The following ASIC2 variants were observed in gnomAD, a reference collection of about 807,000 sequenced individuals.
The protein encoded by ASIC2 is acid sensing ion channel subunit 2.
In ASIC2, 25 loss-of-function variants were observed where a neutral mutation model predicts 57.3. That is an observed-to-expected ratio of 0.44 (90% CI 0.32 to 0.61). The LOEUF (loss-of-function observed/expected upper bound fraction) is 0.61, where lower values mean the gene tolerates loss of function less well. Among genes scored for constraint, ASIC2 ranks in the 20% least tolerant of loss-of-function variants. The pLI, the probability that ASIC2 is intolerant of heterozygous loss-of-function variation, is 0.06. For missense variants in ASIC2, 641 were observed against 738.1 expected, an observed-to-expected ratio of 0.87 and a Z score of 1.52; for synonymous variants, 319 against 307.5, an observed-to-expected ratio of 1.04 and a Z score of -0.39.
intron 1 of ASIC2, among the ~76,000 whole-genome samples, chr17:34,094,693 C>T (rs996770853): frequency 1.3e-5 from 2 of 152,298 alleles, no homozygotes; most frequent in East Asian, 3.9e-4. Context: ...TGAGTCCAAG[C>T]CCATCTCACA....
At chr17:33,068,428 G>T (rs2092053070) in intron 3 of ASIC2, among the ~76,000 whole-genome samples, 1 of 152,274 alleles carries the variant, frequency 6.6e-6, no homozygotes, top group South Asian at 2.1e-4. Context: ...AGCTACTCAG[G>T]AGGCTGAGGC....
At chr17:33,476,309 G>T (rs1473230020) in intron 1 of ASIC2, among the ~76,000 whole-genome samples, 1 of 152,002 alleles carries the variant, frequency 6.6e-6, no homozygotes, top group East Asian at 1.9e-4. Context: ...CCACAACTAT[G>T]GTGACATGTC....
At chr17:33,313,015 G>C (rs374475686) in intron 1 of ASIC2, among the ~76,000 whole-genome samples, 2 of 152,198 alleles carry the variant, frequency 1.3e-5, no homozygotes, top group South Asian at 4.1e-4. Context: ...GTTAGCATAA[G>C]AGCAGCCCTG....
intron 1 of ASIC2, among the ~76,000 whole-genome samples, chr17:33,616,693 A>G (rs1004333941): frequency 1.3e-5 from 2 of 152,212 alleles, no homozygotes; most frequent in Non-Finnish European, 2.9e-5. Flanking sequence ...CAGGGGCTAG[A>G]AGCCTGGAAA....
chr17:33,109,488 G>A (rs1330595616), intron 2 of ASIC2, among the ~76,000 whole-genome samples: 2 of 152,136 alleles, frequency 1.3e-5, no homozygotes, highest in Admixed American at 1.3e-4. Flanking sequence ...AGTCTCAAAG[G>A]AAATCGTCTA....
intron 1 of ASIC2, among the ~76,000 whole-genome samples, chr17:33,217,229 G>A (rs1907525371): frequency 6.6e-6 from 1 of 152,210 alleles, no homozygotes. Context: ...TACCCCAAAT[G>A]GATGTGGGAT....
chr17:33,094,702 G>A (rs1239439433), intron 2 of ASIC2, among the ~76,000 whole-genome samples: 1 of 152,142 alleles, frequency 6.6e-6, no homozygotes, highest in African/African-American at 2.4e-5. Context: ...CCATGGTTTT[G>A]GAAGTTCACC....
At chr17:33,614,043 A>G (rs957535695) in intron 1 of ASIC2, among the ~76,000 whole-genome samples, 12 of 152,226 alleles carry the variant, frequency 7.9e-5, no homozygotes, top group African/African-American at 2.9e-4. Context: ...GCCTTCCCCA[A>G]AATTGCACCA....
At chr17:33,721,072 T>A (rs1419875157) in intron 1 of ASIC2, among the ~76,000 whole-genome samples, 1 of 152,096 alleles carries the variant, frequency 6.6e-6, no homozygotes, top group Admixed American at 6.5e-5. Flanking sequence ...ATTCCTCTAC[T>A]CCTTAGAACA....
intron 1 of ASIC2, among the ~76,000 whole-genome samples, chr17:33,518,788 C>G (rs1039906198): frequency 3.0e-4 from 46 of 151,734 alleles, no homozygotes; most frequent in Non-Finnish European, 1.5e-4. Context: ...GACACATTAA[C>G]TGATTTAATC....
intron 1 of ASIC2, among the ~76,000 whole-genome samples, chr17:34,064,857 A>G (rs62058985): frequency 0.021 from 3,251 of 152,342 alleles, 52 homozygotes; most frequent in Non-Finnish European, 0.033. Flanking sequence ...AAGAATGACC[A>G]TAATCAAAAA....
At chr17:33,475,930 A>G (rs577087299) in intron 1 of ASIC2, among the ~76,000 whole-genome samples, 1 of 152,304 alleles carries the variant, frequency 6.6e-6, no homozygotes, top group Non-Finnish European at 1.5e-5. Context: ...CTCCACGTCT[A>G]GCATCATTAT....
At chr17:33,783,396 T>G (rs1911515489) in intron 1 of ASIC2, among the ~76,000 whole-genome samples, 1 of 152,254 alleles carries the variant, frequency 6.6e-6, no homozygotes, top group African/African-American at 2.4e-5. Context: ...TGATTGCACT[T>G]ACATCATTGG....
chr17:33,479,036 G>A (rs2141925356), intron 1 of ASIC2, among the ~76,000 whole-genome samples: 1 of 152,184 alleles, frequency 6.6e-6, no homozygotes, highest in Non-Finnish European at 1.5e-5. Flanking sequence ...GTCTTGCTCT[G>A]TTGCTAGGCT....
intron 1 of ASIC2, among the ~76,000 whole-genome samples, chr17:33,565,502 C>T (rs942107234): frequency 1.3e-5 from 2 of 152,204 alleles, no homozygotes; most frequent in African/African-American, 4.8e-5. Context: ...TTTTCCAGAA[C>T]AGTCCTTAGA....
At chr17:33,269,678 C>A in intron 1 of ASIC2, among the ~76,000 whole-genome samples, 1 of 64,908 alleles carries the variant, frequency 1.5e-5, no homozygotes, top group African/African-American at 5.2e-5. Flanking sequence ...TTCCTTCCCT[C>A]CCTCCCTCCT....
Position 33,014,024 on chromosome 17 carries a change from G to A in ASIC2, c.1633C>T (p.His545Tyr). The A allele has an allele frequency of 1.2e-6, 2 of 1,605,628 alleles. No individual in the cohort carries two copies. Among genetic ancestry groups the A allele is most frequent in the Non-Finnish European group, 1.7e-6 (2 of 1,175,850 alleles). The change falls in exon 10 of 10, where the codon CAC becomes TAC. Residue 545 changes from histidine to tyrosine, a missense_variant. His to Tyr is a moderately conservative substitution (Grantham distance 83, BLOSUM62 2). Coordinates refer to ENST00000225823, the MANE Select transcript of ASIC2 (RefSeq NM_183377.2). ...TMPNHSETISHTVNVPLQTTL... is the reference protein window; with the variant it reads ...TMPNHSETISYTVNVPLQTTL... Reference sequence around the variant, plus strand: ...GTCTGCAGGGGCACGTTCACAGTGTGACTGATGGTTTCAGAGTGGTTTGGC... The same window carrying A: ...GTCTGCAGGGGCACGTTCACAGTGTAACTGATGGTTTCAGAGTGGTTTGGC...
intron 1 of ASIC2, chr17:34,005,741 C>T (rs1365333672): frequency 6.6e-6 from 1 of 152,186 alleles, no homozygotes; most frequent in Non-Finnish European, 1.5e-5. Context: ...CCCTGACTAC[C>T]CACGGTGGCC....
At chr17:33,764,163 A>T (rs886254141) in intron 1 of ASIC2, among the ~76,000 whole-genome samples, 1 of 152,106 alleles carries the variant, frequency 6.6e-6, no homozygotes, top group Non-Finnish European at 1.5e-5. Context: ...ACAAAAAAAC[A>T]AAATTTAGCC....
Sources: gnomAD v4.1 joint callset for allele counts (sites outside exome capture counted in the v4.1 genomes callset) on GRCh38, gnomAD v4.1.1 for gene constraint, MANE v1.5 for transcripts, NCBI Gene and HGNC (gene_info 2026-07-23, HGNC 2026-07-21) for gene names.